RICTOR: variants seen among roughly 807,000 people sequenced by gnomAD.
RICTOR encodes the protein RPTOR independent companion of MTOR complex 2.
A neutral mutation model predicts 214.9 loss-of-function variants in RICTOR; 49 were observed. The ratio of observed to expected loss-of-function variants is 0.23; its 90% CI spans 0.18 to 0.29. RICTOR has a LOEUF of 0.29. Ranked by LOEUF, RICTOR falls within the 10% of genes least tolerant of loss-of-function variation. The probability of loss-of-function intolerance (pLI) is 1.00; values close to 1 mark genes in which losing one functional copy is unlikely to be tolerated. For synonymous variants in RICTOR, 717 were observed against 711.3 expected (o/e 1.01, Z -0.13); for missense variants, 1,625 against 2,047.0 (o/e 0.79, Z 3.98).
Position 38,938,667 on chromosome 5 carries a change from A to G in RICTOR, c.*3637T>C, listed in dbSNP as rs1747222320. 1 of 232,590 alleles carries G rather than the reference A, an allele frequency of 4.3e-6. No homozygotes were observed. The highest frequency in any genetic ancestry group is 8.5e-6 in the Non-Finnish European group (1 of 117,730). The allele number at this position is 232,590 out of a possible 1,614,324, so 14.4% of individuals were successfully genotyped here. Reference sequence around the variant, plus strand: ...AAAAATACCCTGGAACTTGGAACTAAAAGAAGAAAAGAATGCTCCTAGAAA... The same window carrying G: ...AAAAATACCCTGGAACTTGGAACTAGAAGAAGAAAAGAATGCTCCTAGAAA... On this transcript the variant is annotated 3_prime_UTR_variant, in exon 38 of 38. Coordinates refer to ENST00000357387, the MANE Select transcript of RICTOR (RefSeq NM_152756.5).
chr5:39,021,189 C>A, intron 2 of RICTOR, 53 bp from the exon 3 acceptor site: 1 of 986,162 alleles, frequency 1.0e-6, no homozygotes, highest in South Asian at 1.3e-5. Flanking sequence ...TTTTCCTGTT[C>A]AAACACATAA....
chr5:39,051,843 GGAGT>G (rs1250326218), intron 2 of RICTOR, among the ~76,000 whole-genome samples: 9 of 152,168 alleles, frequency 5.9e-5, no homozygotes, highest in South Asian at 2.1e-4. Context: ...TTTCAAAAAA[GGAGT>G]GATATGCTAA....
chr5:39,018,671 T>C (rs763746880), intron 3 of RICTOR, among the ~76,000 whole-genome samples: 11 of 152,138 alleles, frequency 7.2e-5, no homozygotes, highest in Non-Finnish European at 1.2e-4. Flanking sequence ...TAAATGTGTG[T>C]TCCAATTCCT....
At chr5:39,033,150 T>G (rs1170500763) in intron 2 of RICTOR, among the ~76,000 whole-genome samples, 1 of 152,200 alleles carries the variant, frequency 6.6e-6, no homozygotes, top group South Asian at 2.1e-4. Context: ...TCGCCTTAAG[T>G]GTAAACTTCA....
intron 3 of RICTOR, among the ~76,000 whole-genome samples, chr5:39,011,978 T>A (rs1418729850): frequency 2.0e-5 from 3 of 152,104 alleles, no homozygotes; most frequent in African/African-American, 7.2e-5. Flanking sequence ...TGTTTTGAAA[T>A]GTGAGGACAT....
At chr5:38,994,584 C>T (rs1400888152) in intron 6 of RICTOR, among the ~76,000 whole-genome samples, 1 of 152,122 alleles carries the variant, frequency 6.6e-6, no homozygotes, top group African/African-American at 2.4e-5. Context: ...TGCCACAATT[C>T]TACCGCTGAT....
intron 2 of RICTOR, among the ~76,000 whole-genome samples, chr5:39,060,003 C>A (rs1199135076): frequency 6.6e-6 from 1 of 152,030 alleles, no homozygotes; most frequent in Non-Finnish European, 1.5e-5. Flanking sequence ...GGGTACGACA[C>A]CATGCTTTTA....
chr5:39,070,481 A>AT (rs1367796173), intron 2 of RICTOR, among the ~76,000 whole-genome samples: 1 of 144,304 alleles, frequency 6.9e-6, no homozygotes, highest in African/African-American at 2.7e-5. Flanking sequence ...GTCTCAAATA[A>AT]AAAAAAAAAA....
chr5:38,990,239 G>C (rs2150076325), intron 7 of RICTOR, among the ~76,000 whole-genome samples: 1 of 152,058 alleles, frequency 6.6e-6, no homozygotes, highest in Admixed American at 6.6e-5. Context: ...AAATAACATA[G>C]GGGCAGAAAA....
chr5:39,038,489 G>T (rs570684945), intron 2 of RICTOR, among the ~76,000 whole-genome samples: 10 of 152,268 alleles, frequency 6.6e-5, no homozygotes, highest in Admixed American at 6.5e-4. Flanking sequence ...GCAGGAGAAA[G>T]AAATAAAGGG....
chr5:38,984,969 C>T (rs1239260), intron 7 of RICTOR, among the ~76,000 whole-genome samples: 4 of 151,992 alleles, frequency 2.6e-5, no homozygotes, highest in East Asian at 3.9e-4. Flanking sequence ...ATATGCGTAC[C>T]TTTTTTTTGT....
rs932085964 is a variant in RICTOR, at chr5:38,962,770, T to C, written c.1566+106A>G. 4.1e-6 allele frequency: 4 copies of C among 966,464 alleles called. No individual in the cohort carries two copies. In the African/African-American group the frequency reaches 6.5e-5, roughly 16 times the overall value. The allele number at this position is 966,464 out of a possible 1,614,324, so 59.9% of individuals were successfully genotyped here. On this transcript the variant is annotated intron_variant, in intron 17 of 37. Transcript: ENST00000357387. ...AACTCAGAAGCCATCTGAAAATTCA[T>C]ATGCATGAAGAGAAGTGTAAACTCA...
chr5:39,030,551 T>C (rs983564468), intron 2 of RICTOR, among the ~76,000 whole-genome samples: 2 of 152,128 alleles, frequency 1.3e-5, no homozygotes, highest in Admixed American at 1.3e-4. Flanking sequence ...TGTGTAGCTC[T>C]GTAATTTCTA....
chr5:39,043,445 G>T lies in RICTOR; in HGVS notation c.98-22309C>A, dbSNP rs188711525. 2.2e-3 allele frequency among the ~76,000 whole-genome samples: 339 copies of T among 152,276 alleles called. 1 individual carries two copies. The highest frequency in any genetic ancestry group is 1.9e-3 in the Non-Finnish European group (130 of 68,018). ...GAATCTAAAGAAGCTGATCTCAGAA[G>T]TACAGAGTAGAAGAGTGGAGGGTAG... On this transcript the variant is annotated intron_variant, in intron 2 of 37. Transcript: ENST00000357387.
In RICTOR at chr5:38,963,055, C is replaced by G. The variant is rs2150024777; in HGVS notation, c.1401-14G>C. On this transcript the variant is annotated splice_polypyrimidine_tract_variant and intron_variant, in intron 16 of 37. Coordinates refer to ENST00000357387, the MANE Select transcript of RICTOR (RefSeq NM_152756.5). ...GCACTGGCTCGCCTAATGAGAAAAA[C>G]AATTCAATCAATACAGTAGCAAGAC... is the stretch of plus-strand genomic sequence containing the variant. 2 of 1,594,020 alleles carry G rather than the reference C, an allele frequency of 1.3e-6. No individual in the cohort carries two copies.
chr5:38,964,885 G>A lies in RICTOR; in HGVS notation c.1307C>T (p.Thr436Ile). 6.3e-7 allele frequency: 1 copy of A among 1,598,632 alleles called. No individual in the cohort carries two copies. Among genetic ancestry groups the A allele is most frequent in the Non-Finnish European group, 8.6e-7 (1 of 1,168,628 alleles). Residue 436 changes from threonine to isoleucine, a missense_variant, in exon 16 of 38, where the codon ACA becomes ATA. Thr to Ile is a moderately conservative substitution (Grantham distance 89). Around this residue, in one of 5 missense-constraint regions of RICTOR, gnomAD observed 1,214 missense variants for 1,470.5 expected, o/e 0.83. Coordinates refer to ENST00000357387, the MANE Select transcript of RICTOR (RefSeq NM_152756.5). ...LLGELLHMANTILPHSHSHHL... is the reference protein window; with the variant it reads ...LLGELLHMANIILPHSHSHHL... ...ATGGCTATGTGAATGAGGAAGAATT[G>A]TGTTTGCCTAAAATGAAGCATAACA...
intron 1 of RICTOR, 69 bp from the exon 2 acceptor site, chr5:39,074,227 G>A (rs1043187903): frequency 3.2e-5 from 50 of 1,576,232 alleles, no homozygotes; most frequent in Non-Finnish European, 4.1e-5. Context: ...CCCTGGCTCC[G>A]GCCAGCGCCC....
Position 38,950,519 on chromosome 5 carries a change from C to A in RICTOR, c.3329G>T (p.Arg1110Leu), listed in dbSNP as rs766067681. The change falls in exon 31 of 38, where the codon CGT becomes CTT. Residue 1110 changes from arginine to leucine, a missense_variant. This residue lies in a region of RICTOR where 1,214 missense variants were observed against 1,470.5 expected (regional missense o/e 0.83). Coordinates refer to ENST00000357387, the MANE Select transcript of RICTOR (RefSeq NM_152756.5). ...CCCTCCTTTTGGATCACTGCTACTA[C>A]GATGTTTTTTGTTAGGCAAAGTAAG... ...NSLTLPNKKH[R>L]SSSDPKGGKL... The A allele has an allele frequency of 4.3e-6, 7 of 1,612,970 alleles. No individual in the cohort carries two copies. The Admixed American group carries it at 5.0e-5, about 12-fold the overall frequency.
intron 5 of RICTOR, among the ~76,000 whole-genome samples, chr5:39,000,593 T>C (rs114743168): frequency 5.3e-5 from 8 of 152,128 alleles, no homozygotes; most frequent in Non-Finnish European, 1.2e-4. Flanking sequence ...CGAAACAAAC[T>C]TGTCCATTAT....
Sources: allele counts gnomAD v4.1 joint callset (sites outside exome capture counted in the v4.1 genomes callset), GRCh38; gene constraint gnomAD v4.1.1; regional missense constraint gnomAD v4.1.1; transcripts MANE v1.5; gene names NCBI Gene and HGNC (gene_info 2026-07-23, HGNC 2026-07-21).